Variants in ZBTB20 observed in about 807,000 individuals in gnomAD.
The protein encoded by ZBTB20 is zinc finger and BTB domain-containing protein 20.
In ZBTB20, 9 loss-of-function variants were observed where a neutral mutation model predicts 56.9. That is an observed-to-expected ratio of 0.16 (90% CI 0.10 to 0.28). ZBTB20 has a LOEUF of 0.28. ZBTB20 is among the 10% of genes least tolerant of loss of function. The pLI is 1.00. For synonymous variants in ZBTB20, 417 were observed against 420.7 expected (o/e 0.99, Z 0.11); for missense variants, 655 against 1,003.0 (o/e 0.65, Z 4.69).
chr3:114,958,617 G>A (rs2077331938), intron 3 of ZBTB20, among the ~76,000 whole-genome samples: 1 of 152,094 alleles, frequency 6.6e-6, no homozygotes, highest in Non-Finnish European at 1.5e-5. Flanking sequence ...GGAGGCCAAG[G>A]CGAGCAGATC....
intron 1 of ZBTB20, among the ~76,000 whole-genome samples, chr3:115,113,765 AAGCAGCAGCAGC>A (rs1270213064): frequency 2.6e-5 from 4 of 152,190 alleles, no homozygotes; most frequent in Non-Finnish European, 4.4e-5. Context: ...CAAAATGTGG[AAGCAGCAGCAGC>A]AGCGGCAGCA....
intron 6 of ZBTB20, among the ~76,000 whole-genome samples, chr3:114,645,113 C>T (rs1002538573): frequency 2.0e-5 from 3 of 151,790 alleles, no homozygotes; most frequent in Admixed American, 6.6e-5. Context: ...TAAAGACATA[C>T]GAAATTACAG....
In ZBTB20 at chr3:115,088,996, T is replaced by C. The variant is rs191612541; in HGVS notation, c.-702-17582A>G. Among the ~76,000 whole-genome samples, 448 of 152,022 alleles carry C rather than the reference T, an allele frequency of 2.9e-3. 3 individuals carry two copies. Among genetic ancestry groups the C allele is most frequent in the African/African-American group, 0.011 (438 of 41,546 alleles). ...TTCAACTGATTTCCCTAGAGGATTA[T>C]GCATTATCAATTCCAAACTTTACAA... On this transcript the variant is annotated intron_variant, in intron 1 of 11. Transcript: ENST00000675478.
At chr3:114,855,584 C>A (rs1444413743) in intron 4 of ZBTB20, among the ~76,000 whole-genome samples, 1 of 152,124 alleles carries the variant, frequency 6.6e-6, no homozygotes, top group Admixed American at 6.6e-5. Context: ...AAACTAGGGC[C>A]AGAGAGCAAG....
intron 3 of ZBTB20, among the ~76,000 whole-genome samples, chr3:114,972,868 C>T (rs2077945062): frequency 6.6e-6 from 1 of 152,074 alleles, no homozygotes; most frequent in African/African-American, 2.4e-5. Flanking sequence ...CACACACACA[C>T]ACACATTCAC....
At position 115,107,812 on chromosome 3, in the gene ZBTB20, T is replaced by C. The variant is rs553787785; in HGVS notation, c.-702-36398A>G. Among the ~76,000 whole-genome samples, 7 of 152,238 alleles carry C rather than the reference T, an allele frequency of 4.6e-5. No individual in the cohort carries two copies. In the East Asian group the frequency reaches 1.4e-3, roughly 30 times the overall value. On this transcript the variant is annotated intron_variant, in intron 1 of 11. Transcript: ENST00000675478. Reference sequence around the variant, plus strand: ...TACACCATGGAATACTATGCAGCCATAAAAAGGAATGAGATCATGTCCTTT... The same window carrying C: ...TACACCATGGAATACTATGCAGCCACAAAAAGGAATGAGATCATGTCCTTT...
At chr3:114,574,392 T>C (rs2053778688) in intron 6 of ZBTB20, among the ~76,000 whole-genome samples, 1 of 152,206 alleles carries the variant, frequency 6.6e-6, no homozygotes, top group South Asian at 2.1e-4. Context: ...TGTGTCAATA[T>C]ATAGATATCC....
intron 4 of ZBTB20, among the ~76,000 whole-genome samples, chr3:114,881,607 T>C (rs1473822611): frequency 6.6e-6 from 1 of 151,906 alleles, no homozygotes; most frequent in Non-Finnish European, 1.5e-5. Flanking sequence ...GAAGATGTTT[T>C]CTTGGGATTT....
At chr3:115,093,312 G>A (rs568143118) in intron 1 of ZBTB20, among the ~76,000 whole-genome samples, 4 of 152,076 alleles carry the variant, frequency 2.6e-5, no homozygotes, top group Admixed American at 6.6e-5. Context: ...TGTATAGGCC[G>A]TACCACATCT....
intron 4 of ZBTB20, among the ~76,000 whole-genome samples, chr3:114,891,241 G>T (rs1210992598): frequency 6.6e-6 from 1 of 152,002 alleles, no homozygotes; most frequent in Non-Finnish European, 1.5e-5. Context: ...GGGAGACAGG[G>T]GATGCTGAAT....
intron 6 of ZBTB20, among the ~76,000 whole-genome samples, chr3:114,539,606 A>T (rs768050954): frequency 6.6e-6 from 1 of 152,134 alleles, no homozygotes; most frequent in Non-Finnish European, 1.5e-5. Context: ...GCATCGTATC[A>T]TTAGTAATGT....
chr3:115,090,229 T>C (rs2083136499), intron 1 of ZBTB20, among the ~76,000 whole-genome samples: 6 of 151,730 alleles, frequency 4.0e-5, no homozygotes, highest in Admixed American at 3.9e-4. Flanking sequence ...GATGCCTGAG[T>C]TCCATTCCAT....
chr3:114,314,872 C>G lies in ZBTB20; in HGVS notation c.*24133G>C, dbSNP rs2078620375. The G allele has an allele frequency of 6.6e-6, 1 of 151,538 alleles. No individual in the cohort carries two copies. Among genetic ancestry groups the G allele is most frequent in the Non-Finnish European group, 1.5e-5 (1 of 67,934 alleles). The allele number at this position is 151,538 out of a possible 1,614,324, so 9.4% of individuals were successfully genotyped here. On this transcript the variant is annotated 3_prime_UTR_variant, in exon 12 of 12. Coordinates refer to ENST00000675478, the MANE Select transcript of ZBTB20 (RefSeq NM_001348800.3). ...TTTTTTCCTGTTTAAATAACAAATA[C>G]AAGTCACAGGTAAATATACGTGAGA...
At position 114,329,811 on chromosome 3, in the gene ZBTB20, C is replaced by T. The variant is rs2079188045; in HGVS notation, c.*9194G>A. On this transcript the variant is annotated 3_prime_UTR_variant, in exon 12 of 12. Coordinates refer to ENST00000675478, the MANE Select transcript of ZBTB20 (RefSeq NM_001348800.3). ...AGGTTGAAGACTAGTTAAAATAATT[C>T]TAAGCGTATTGAAAAAAGAAAGTGT... The T allele has an allele frequency of 6.9e-6, 1 of 144,318 alleles. No homozygotes were observed. Among genetic ancestry groups the T allele is most frequent in the Admixed American group, 7.0e-5 (1 of 14,310 alleles). 8.9% of individuals were successfully genotyped at this position (144,318 alleles called of 1,614,324 possible). A position where few individuals can be genotyped will look rare whatever the true frequency, so the allele number is the denominator to read the frequency against.
intron 7 of ZBTB20, among the ~76,000 whole-genome samples, chr3:114,422,786 T>C (rs1436523540): frequency 6.6e-6 from 1 of 152,108 alleles, no homozygotes; most frequent in Non-Finnish European, 1.5e-5. Context: ...CATTTCTCAT[T>C]TGGGGAGAAT....
At chr3:115,004,343 C>A (rs937683022) in intron 2 of ZBTB20, among the ~76,000 whole-genome samples, 3 of 151,734 alleles carry the variant, frequency 2.0e-5, no homozygotes, top group Non-Finnish European at 4.4e-5. Flanking sequence ...TGCCTATAAT[C>A]TCCGTATATG....
intron 6 of ZBTB20, among the ~76,000 whole-genome samples, chr3:114,606,924 C>T (rs1310122345): frequency 1.3e-5 from 2 of 151,882 alleles, no homozygotes; most frequent in South Asian, 2.1e-4. Flanking sequence ...GGTGAAACTC[C>T]GTCTTTACTA....
At chr3:114,722,535 TAG>T (rs1251036861) in intron 5 of ZBTB20, among the ~76,000 whole-genome samples, 6 of 152,192 alleles carry the variant, frequency 3.9e-5, no homozygotes, top group African/African-American at 1.4e-4. Flanking sequence ...TGCAGGGAGA[TAG>T]ATCAGTTGAA....
chr3:114,352,973 C>T (rs1021932818), intron 10 of ZBTB20, among the ~76,000 whole-genome samples: 1 of 152,126 alleles, frequency 6.6e-6, no homozygotes, highest in East Asian at 1.9e-4. Context: ...CACCCTATAA[C>T]GTAGGCTGTT....
Sources: allele counts gnomAD v4.1 joint callset (sites outside exome capture counted in the v4.1 genomes callset), GRCh38; gene constraint gnomAD v4.1.1; transcripts MANE v1.5; gene names NCBI Gene and HGNC (gene_info 2026-07-23, HGNC 2026-07-21).